Variants in TMEM109 observed in about 807,000 individuals in gnomAD.
TMEM109 encodes voltage-gated monoatomic cation channel TMEM109.
TMEM109 carries 19 observed loss-of-function variants against 26.4 expected under a neutral mutation model. The observed-to-expected ratio is 0.72, with a 90% CI of 0.50 to 1.06. The LOEUF (loss-of-function observed/expected upper bound fraction) is 1.06, where lower values mean the gene tolerates loss of function less well. Among genes scored for constraint, TMEM109 ranks in the 50% least tolerant of loss-of-function variants. The pLI, the probability that TMEM109 is intolerant of heterozygous loss-of-function variation, is 0.00. For missense variants in TMEM109, 262 were observed against 303.4 expected, an observed-to-expected ratio of 0.86 and a Z score of 1.01; for synonymous variants, 129 against 142.0, an observed-to-expected ratio of 0.91 and a Z score of 0.65.
intron 2 of TMEM109, 78 bp from the exon 3 acceptor site, chr11:60,920,808 C>A: frequency 1.6e-6 from 2 of 1,261,126 alleles, no homozygotes; most frequent in Non-Finnish European, 2.3e-6. Context: ...CAGTTCTTGC[C>A]TGGACAGTGG....
In TMEM109 at chr11:60,921,553, T is replaced by C. The variant is rs138262235; in HGVS notation, c.341-221T>C. On this transcript the variant is annotated intron_variant, in intron 3 of 3. Transcript: ENST00000227525. ...GGGAGGCAGTAGAATTGTTCCCGTTTAGTAAATGAAACTGCAGCTCAACAG... is the reference window on the plus strand; with the variant it reads ...GGGAGGCAGTAGAATTGTTCCCGTTCAGTAAATGAAACTGCAGCTCAACAG... Among the ~76,000 whole-genome samples the C allele has an allele frequency of 1.2e-3, 186 of 152,334 alleles. No individual in the cohort carries two copies. The Middle Eastern group carries it at 0.017, about 14-fold the overall frequency.
At position 60,917,806 on chromosome 11, in the gene TMEM109, C is replaced by T. The variant is rs536680143; in HGVS notation, c.-8-1880C>T. Among the ~76,000 whole-genome samples, 4 of 152,186 alleles carry T rather than the reference C, an allele frequency of 2.6e-5. No individual in the cohort carries two copies. The South Asian group carries it at 8.3e-4, about 32-fold the overall frequency. ...AAATAGCTGGGAGTACAGGCACGCA[C>T]CACCACACCTGACTAATTTATTTAT... On this transcript the variant is annotated intron_variant, in intron 1 of 3. Transcript: ENST00000227525.
At chr11:60,916,468 G>A (rs1856176131) in intron 1 of TMEM109, among the ~76,000 whole-genome samples, 1 of 152,184 alleles carries the variant, frequency 6.6e-6, no homozygotes, top group Admixed American at 6.5e-5. Context: ...GGCTGAGACT[G>A]TTTCCATGCC....
Position 60,921,917 on chromosome 11 carries a change from G to A in TMEM109, c.484G>A (p.Gly162Ser). The A allele has an allele frequency of 1.2e-6, 2 of 1,614,168 alleles. No homozygotes were observed. Among genetic ancestry groups the A allele is most frequent in the South Asian group, 2.2e-5 (2 of 91,088 alleles). Residue 162 changes from glycine to serine, a missense_variant, in exon 4 of 4, where the codon GGC becomes AGC. Coordinates refer to ENST00000227525, the MANE Select transcript of TMEM109 (RefSeq NM_024092.3). ...GGCCTTGCTGGGGCGGATCCTGTGG[G>A]GCCTGAAGCTTGTCATCTTCCTGGC... is the stretch of plus-strand genomic sequence containing the variant. Reference protein sequence around the residue: ...VLALLGRILWGLKLVIFLAGF... With the variant: ...VLALLGRILWSLKLVIFLAGF...
chr11:60,914,846 A>G (rs1293727595), intron 1 of TMEM109, among the ~76,000 whole-genome samples: 2 of 152,180 alleles, frequency 1.3e-5, no homozygotes, highest in Non-Finnish European at 2.9e-5. Context: ...GTTTAGTGGG[A>G]GCTGCCCCCA....
At chr11:60,917,767 C>A (rs1490900223) in intron 1 of TMEM109, among the ~76,000 whole-genome samples, 1 of 152,122 alleles carries the variant, frequency 6.6e-6, no homozygotes, top group Admixed American at 6.5e-5. Flanking sequence ...GTGATCCTCC[C>A]CCCTCAGCCT....
In TMEM109 at chr11:60,919,907, G is replaced by T; in HGVS notation, c.214G>T (p.Glu72Ter). Residue 72 changes from glutamate (E) to a stop codon, truncating the protein, a stop_gained, in exon 2 of 4, where the codon GAG becomes TAG. Transcript: ENST00000227525. LOFTEE classifies it high-confidence loss of function. ...GACACTGGATGCCTGGATTGGGCCA[G>T]AGACCATGCACCTGGTGTCAGAGGT... ...RGTLDAWIGP[E>*]TMHLVSESSS... The T allele has an allele frequency of 6.2e-7, 1 of 1,614,202 alleles. No individual in the cohort carries two copies. The highest frequency in any genetic ancestry group is 8.5e-7 in the Non-Finnish European group (1 of 1,180,020).
At chr11:60,918,533 ATAACC>A (rs1315880585) in intron 1 of TMEM109, 5 of 152,200 alleles carry the variant, frequency 3.3e-5, no homozygotes, top group African/African-American at 1.2e-4. Context: ...CTGAACCCTC[ATAACC>A]TAATCACCTC....
chr11:60,916,941 C>T (rs1017029065), intron 1 of TMEM109, among the ~76,000 whole-genome samples: 1 of 152,224 alleles, frequency 6.6e-6, no homozygotes, highest in Non-Finnish European at 1.5e-5. Flanking sequence ...AAGTCCCCAA[C>T]ATGGTTATGA....
chr11:60,920,785 TGA>T, intron 2 of TMEM109, 99 bp from the exon 3 acceptor site: 1 of 1,073,042 alleles, frequency 9.3e-7, no homozygotes, highest in Non-Finnish European at 1.4e-6. Context: ...GAAACAGGTC[TGA>T]GACATTCCTG....
At chr11:60,921,536 G>A (rs1417960313) in intron 3 of TMEM109, among the ~76,000 whole-genome samples, 2 of 152,216 alleles carry the variant, frequency 1.3e-5, no homozygotes, top group Admixed American at 6.5e-5. Context: ...CAGGGAGGCA[G>A]TAGAATTGTT....
chr11:60,916,875 C>T (rs1341881665), intron 1 of TMEM109, among the ~76,000 whole-genome samples: 1 of 152,168 alleles, frequency 6.6e-6, no homozygotes, highest in African/African-American at 2.4e-5. Flanking sequence ...TTTGATCCCT[C>T]CTGGTGGAGG....
rs1284765520 is a variant in TMEM109, at chr11:60,922,502, A to C, written c.*337A>C. On this transcript the variant is annotated 3_prime_UTR_variant, in exon 4 of 4. Transcript: ENST00000227525. ...CACTGCCGTTGGTCTCTCATGACTTAACTGGCTTCCCTCTGCTGCTGCCTT... is the reference window on the plus strand; with the variant it reads ...CACTGCCGTTGGTCTCTCATGACTTCACTGGCTTCCCTCTGCTGCTGCCTT... 1.4e-6 allele frequency: 1 copy of C among 707,736 alleles called. No individual in the cohort carries two copies. The highest frequency in any genetic ancestry group is 2.2e-6 in the Non-Finnish European group (1 of 461,590). The allele number at this position is 707,736 out of a possible 1,614,324, so 43.8% of individuals were successfully genotyped here.
chr11:60,921,967 G>A lies in TMEM109; in HGVS notation c.534G>A (p.Ser178=), dbSNP rs35150957. Residue 178 remains serine, a synonymous_variant, in exon 4 of 4, where the codon TCG becomes TCA. Transcript: ENST00000227525. Reference sequence around the variant, plus strand: ...CCGGCTTCGTGGCCCTGATGAGGTCGGTGCCTGACCCTTCCACCCGGGCCC... The same window carrying A: ...CCGGCTTCGTGGCCCTGATGAGGTCAGTGCCTGACCCTTCCACCCGGGCCC... ...FLAGFVALMR[S]VPDPSTRALL... is the part of the protein sequence containing the mutation. The A allele has an allele frequency of 4.3e-4, 692 of 1,613,824 alleles. 2 individuals carry two copies. The African/African-American group carries it at 8.4e-3, about 19-fold the overall frequency.
At chr11:60,920,008 C>G in intron 2 of TMEM109, 78 bp downstream of exon 2, 1 of 1,190,856 alleles carries the variant, frequency 8.4e-7, no homozygotes, top group South Asian at 1.2e-5. Context: ...GCCACCTCAT[C>G]TTAGTTCCAC....
chr11:60,921,893 G>C lies in TMEM109; in HGVS notation c.460G>C (p.Ala154Pro), dbSNP rs1468181921. Residue 154 changes from alanine (A) to proline (P), a missense_variant, in exon 4 of 4, where the codon GCC becomes CCC. Ala to Pro is a conservative substitution (Grantham distance 27, BLOSUM62 -1). Coordinates refer to ENST00000227525, the MANE Select transcript of TMEM109 (RefSeq NM_024092.3). ...LLSLLLGLVL[A>P]LLGRILWGLK... is the part of the protein sequence containing the mutation. The stretch of plus-strand genomic sequence containing the variant: ...GTCTCTGCTCCTCGGCTTGGTCTTG[G>C]CCTTGCTGGGGCGGATCCTGTGGGG... 6.2e-7 allele frequency: 1 copy of C among 1,614,172 alleles called. No homozygotes were observed. The highest frequency in any genetic ancestry group is 8.5e-7 in the Non-Finnish European group (1 of 1,180,030).
At chr11:60,915,887 T>C (rs532567984) in intron 1 of TMEM109, among the ~76,000 whole-genome samples, 1 of 152,204 alleles carries the variant, frequency 6.6e-6, no homozygotes, top group African/African-American at 2.4e-5. Context: ...CTGAGCCATA[T>C]TGCAGCTGCC....
chr11:60,916,287 G>A (rs1431741029), intron 1 of TMEM109, among the ~76,000 whole-genome samples: 1 of 152,170 alleles, frequency 6.6e-6, no homozygotes, highest in African/African-American at 2.4e-5. Context: ...GAAACAATAA[G>A]CACTCTGTGA....
At chr11:60,914,887 A>G (rs1255173021) in intron 1 of TMEM109, among the ~76,000 whole-genome samples, 1 of 152,182 alleles carries the variant, frequency 6.6e-6, no homozygotes, top group Non-Finnish European at 1.5e-5. Context: ...CATTCTCTGC[A>G]GTGGCGGCTT....
Sources: gnomAD v4.1 joint callset for allele counts (sites outside exome capture counted in the v4.1 genomes callset) on GRCh38, gnomAD v4.1.1 for gene constraint, MANE v1.5 for transcripts, NCBI Gene and HGNC (gene_info 2026-07-23, HGNC 2026-07-21) for gene names.